DLGAP2: variants seen among roughly 807,000 people sequenced by gnomAD.
DLGAP2 encodes DLG associated protein 2.
In DLGAP2, 26 loss-of-function variants were observed where a neutral mutation model predicts 100.3. That is an observed-to-expected ratio of 0.26 (90% CI 0.19 to 0.36). DLGAP2 has a LOEUF of 0.36. DLGAP2 is among the 10% of genes least tolerant of loss of function. The pLI, the probability that DLGAP2 is intolerant of heterozygous loss-of-function variation, is 1.00. For missense variants in DLGAP2, 1,858 were observed against 1,453.2 expected (o/e 1.28, Z -4.53); for synonymous variants, 886 against 630.1 (o/e 1.41, Z -6.08).
intron 3 of DLGAP2, among the ~76,000 whole-genome samples, chr8:1,360,785 C>G (rs1801965263): frequency 6.6e-6 from 1 of 152,164 alleles, no homozygotes; most frequent in African/African-American, 2.4e-5. Flanking sequence ...TGTGGCCTGA[C>G]ACGGTTGCCC....
intron 3 of DLGAP2, chr8:1,369,136 T>G (rs1802179042): frequency 6.6e-6 from 1 of 152,152 alleles, no homozygotes; most frequent in Non-Finnish European, 1.5e-5. Flanking sequence ...CAGTTCTATG[T>G]TATAAAATAA....
chr8:1,059,833 G>T (rs1404408851), intron 2 of DLGAP2, among the ~76,000 whole-genome samples: 1 of 152,212 alleles, frequency 6.6e-6, no homozygotes, highest in Non-Finnish European at 1.5e-5. Context: ...CAGCCAGGCA[G>T]TGGGACCGAC....
At chr8:1,471,902 C>T (rs921365958) in intron 3 of DLGAP2, among the ~76,000 whole-genome samples, 1 of 152,166 alleles carries the variant, frequency 6.6e-6, no homozygotes, top group Admixed American at 6.5e-5. Context: ...GCCTGCGGTC[C>T]GTAAACGGTT....
chr8:1,585,316 T>G (rs1020098893), intron 6 of DLGAP2, among the ~76,000 whole-genome samples: 2 of 151,912 alleles, frequency 1.3e-5, no homozygotes, highest in African/African-American at 4.8e-5. Context: ...TACAAAAAAT[T>G]AGCCAGGCAT....
At chr8:1,552,285 G>A (rs1290387069) in intron 5 of DLGAP2, among the ~76,000 whole-genome samples, 2 of 152,236 alleles carry the variant, frequency 1.3e-5, no homozygotes, top group African/African-American at 2.4e-5. Context: ...CATGGCGCTC[G>A]TTCACAAGGG....
At chr8:1,426,406 T>C (rs1334217389) in intron 3 of DLGAP2, among the ~76,000 whole-genome samples, 1 of 152,050 alleles carries the variant, frequency 6.6e-6, no homozygotes, top group Admixed American at 6.5e-5. Context: ...ATGAACAGCA[T>C]GAAGCAGGAG....
intron 4 of DLGAP2, among the ~76,000 whole-genome samples, chr8:1,503,689 C>T (rs144275908): frequency 6.6e-6 from 1 of 152,262 alleles, no homozygotes; most frequent in East Asian, 1.9e-4. Flanking sequence ...GAGGAACCTC[C>T]ACACTGCTTA....
At chr8:1,465,921 G>A (rs904455510) in intron 3 of DLGAP2, among the ~76,000 whole-genome samples, 2 of 152,168 alleles carry the variant, frequency 1.3e-5, no homozygotes, top group African/African-American at 4.8e-5. Context: ...CAGAAAGGCC[G>A]GGAAAGGTCC....
At chr8:920,742 G>A (rs541185625) in intron 2 of DLGAP2, among the ~76,000 whole-genome samples, 10 of 152,316 alleles carry the variant, frequency 6.6e-5, no homozygotes, top group South Asian at 4.1e-4. Flanking sequence ...GCGACAGAGC[G>A]GGACTGCACA....
intron 1 of DLGAP2, among the ~76,000 whole-genome samples, chr8:889,762 A>T (rs1348100057): frequency 6.6e-6 from 1 of 152,228 alleles, no homozygotes; most frequent in Non-Finnish European, 1.5e-5. Context: ...CAGCTTAGAC[A>T]GCAGGCCGCT....
chr8:977,981 T>A (rs373247433), intron 2 of DLGAP2, among the ~76,000 whole-genome samples: 1 of 37,470 alleles, frequency 2.7e-5, no homozygotes, highest in African/African-American at 7.9e-5. Flanking sequence ...GTCTTTGGTG[T>A]TGTGGGGAGG....
At chr8:1,430,027 T>TATATATATATATATATATACAC (rs1282725274) in intron 3 of DLGAP2, among the ~76,000 whole-genome samples, 9 of 76,884 alleles carry the variant, frequency 1.2e-4, no homozygotes, top group Non-Finnish European at 2.0e-4. Context: ...TATATATATA[T>TATATATATATATATATATACAC]ACACACACAC....
rs1330441582 is a variant in DLGAP2 at position 1,706,454 on chromosome 8, C to T, written c.*5048C>T. On this transcript the variant is annotated 3_prime_UTR_variant, in exon 15 of 15. Transcript: ENST00000637795. Reference sequence around the variant, plus strand: ...GCCGCCCTCCCAGCTCTGCAGGGCACGCTGCCAGAATCCAGGCTGGTCGTA... The same window carrying T: ...GCCGCCCTCCCAGCTCTGCAGGGCATGCTGCCAGAATCCAGGCTGGTCGTA... 2 of 152,186 alleles carry T rather than the reference C, an allele frequency of 1.3e-5. No individual in the cohort carries two copies. Among genetic ancestry groups the T allele is most frequent in the South Asian group, 2.1e-4 (1 of 4,822 alleles). 9.4% of individuals were successfully genotyped at this position (152,186 alleles called of 1,614,324 possible).
At chr8:1,253,391 C>T (rs1799094271) in intron 2 of DLGAP2, among the ~76,000 whole-genome samples, 1 of 152,250 alleles carries the variant, frequency 6.6e-6, no homozygotes, top group African/African-American at 2.4e-5. Flanking sequence ...AGGGCGGGTG[C>T]TGCGGAGGCC....
rs1027420006 is a variant in DLGAP2, at chr8:897,996, G to A, written c.19-9916G>A. On this transcript the variant is annotated intron_variant, in intron 1 of 14. Coordinates refer to ENST00000637795, the MANE Select transcript of DLGAP2 (RefSeq NM_001346810.2). ...AGGCCTGGATCCTGCCTGGCACCCTGAGCTGCTGGAGTGAGCTCCCGCCAC... is the reference window on the plus strand; with the variant it reads ...AGGCCTGGATCCTGCCTGGCACCCTAAGCTGCTGGAGTGAGCTCCCGCCAC... Among the ~76,000 whole-genome samples, 5 of 152,240 alleles carry A rather than the reference G, an allele frequency of 3.3e-5. No homozygotes were observed. The South Asian group carries it at 1.0e-3, about 32-fold the overall frequency.
intron 7 of DLGAP2, among the ~76,000 whole-genome samples, chr8:1,629,862 C>T (rs938449748): frequency 4.6e-5 from 7 of 152,202 alleles, no homozygotes; most frequent in African/African-American, 1.7e-4. Flanking sequence ...TGCGACTCGT[C>T]GTCCTGTTTG....
rs2130855704 is a variant in DLGAP2 at position 1,678,648 on chromosome 8, C to G, written c.2704+19C>G. On this transcript the variant is annotated intron_variant, in intron 12 of 14. Coordinates refer to ENST00000637795, the MANE Select transcript of DLGAP2 (RefSeq NM_001346810.2). Reference sequence around the variant, plus strand: ...GAGGAAAGTAAGAGCTCAGGCTTCCCTAGGGCCTCTTAAATATCATTTCTC... The same window carrying G: ...GAGGAAAGTAAGAGCTCAGGCTTCCGTAGGGCCTCTTAAATATCATTTCTC... 2.7e-6 allele frequency: 4 copies of G among 1,482,460 alleles called. No homozygotes were observed. The highest frequency in any genetic ancestry group is 3.6e-6 in the Non-Finnish European group (4 of 1,114,228). The allele number at this position is 1,482,460 out of a possible 1,614,324, so 91.8% of individuals were successfully genotyped here.
At chr8:1,684,738 A>AATTC (rs1799068302) in intron 12 of DLGAP2, among the ~76,000 whole-genome samples, 1 of 151,970 alleles carries the variant, frequency 6.6e-6, no homozygotes, top group Non-Finnish European at 1.5e-5. Flanking sequence ...TTTTTGTATT[A>AATTC]TGTCAAACCA....
intron 2 of DLGAP2, among the ~76,000 whole-genome samples, chr8:1,000,964 A>G (rs879784528): frequency 1.3e-5 from 2 of 152,104 alleles, no homozygotes; most frequent in African/African-American, 4.8e-5. Flanking sequence ...GGATTTCCTC[A>G]GTGTAGGCAG....
Sources: gnomAD v4.1 joint callset for allele counts (sites outside exome capture counted in the v4.1 genomes callset) on GRCh38, gnomAD v4.1.1 for gene constraint, MANE v1.5 for transcripts, NCBI Gene and HGNC (gene_info 2026-07-23, HGNC 2026-07-21) for gene names.